Variants in FRMD5 observed in about 807,000 individuals in gnomAD.
FRMD5 encodes the protein FERM domain-containing protein 5.
FRMD5 carries 20 observed loss-of-function variants against 69.0 expected under a neutral mutation model. The ratio of observed to expected loss-of-function variants is 0.29; its 90% CI spans 0.20 to 0.42. The LOEUF is 0.42. FRMD5 is among the 10% of genes least tolerant of loss of function. The probability of loss-of-function intolerance (pLI) is 1.00; values close to 1 mark genes in which losing one functional copy is unlikely to be tolerated. For synonymous variants in FRMD5, 271 were observed against 260.1 expected, an observed-to-expected ratio of 1.04 and a Z score of -0.40; for missense variants, 595 against 708.6, an observed-to-expected ratio of 0.84 and a Z score of 1.82.
At chr15:43,988,075 G>A (rs1011168602) in intron 1 of FRMD5, among the ~76,000 whole-genome samples, 1 of 152,086 alleles carries the variant, frequency 6.6e-6, no homozygotes, top group East Asian at 1.9e-4. Context: ...AGAATCTAAT[G>A]CTGCTGCTGA....
intron 1 of FRMD5, among the ~76,000 whole-genome samples, chr15:44,147,927 T>G (rs1417497561): frequency 6.6e-6 from 1 of 152,192 alleles, no homozygotes; most frequent in African/African-American, 2.4e-5. Flanking sequence ...AAAAAAGACT[T>G]TGTCCTTCAA....
rs1322019746 is a variant in FRMD5, at chr15:44,194,940, G to A, written c.102+13C>T. 1.3e-6 allele frequency: 2 copies of A among 1,512,454 alleles called. No individual in the cohort carries two copies. Among genetic ancestry groups the A allele is most frequent in the Non-Finnish European group, 1.8e-6 (2 of 1,132,594 alleles). 93.7% of individuals were successfully genotyped at this position (1,512,454 alleles called of 1,614,324 possible). On this transcript the variant is annotated intron_variant, in intron 1 of 13. Coordinates refer to ENST00000417257, the MANE Select transcript of FRMD5 (RefSeq NM_032892.5). ...GGGGTCCCGCGGGCGGGGCGGGGCG[G>A]CGCGGCGCTGACCTGGATGGTGCAG...
At position 43,924,194 on chromosome 15, in the gene FRMD5, T is replaced by C; in HGVS notation, c.207+11A>G. 1 of 1,593,110 alleles carries C rather than the reference T, an allele frequency of 6.3e-7. No homozygotes were observed. ...CCCTGTCCTCCTTTTGTGCTTTGAA[T>C]ATTGACTTACCCGCTGCTTATCTGG... On this transcript the variant is annotated intron_variant, in intron 2 of 13. Coordinates refer to ENST00000417257, the MANE Select transcript of FRMD5 (RefSeq NM_032892.5).
chr15:44,196,890 T>C (rs559895730), upstream of FRMD5, among the ~76,000 whole-genome samples: 3 of 152,198 alleles, frequency 2.0e-5, no homozygotes, highest in South Asian at 6.2e-4. Flanking sequence ...GGATTCTCTT[T>C]TCAATGCAAT....
intron 1 of FRMD5, 145 bp downstream of exon 1, chr15:44,194,808 T>C (rs1342011121): frequency 1.3e-6 from 1 of 761,480 alleles, no homozygotes; most frequent in East Asian, 2.8e-5. Flanking sequence ...CGCCCTGCAC[T>C]AGGGCGGTCC....
At chr15:44,035,120 C>T (rs2140296194) in intron 1 of FRMD5, among the ~76,000 whole-genome samples, 1 of 152,272 alleles carries the variant, frequency 6.6e-6, no homozygotes, top group South Asian at 2.1e-4. Context: ...TTCCAGACTT[C>T]AGTCCAAACC....
chr15:43,932,470 A>G (rs4270152), intron 1 of FRMD5, among the ~76,000 whole-genome samples: 19,137 of 152,154 alleles, frequency 0.13, 2,411 homozygotes, highest in African/African-American at 0.33. Context: ...GCAGCCTCTA[A>G]TCAGTGCCAC....
At chr15:44,095,379 A>AT (rs1487335631) in intron 1 of FRMD5, among the ~76,000 whole-genome samples, 1 of 151,856 alleles carries the variant, frequency 6.6e-6, no homozygotes, top group East Asian at 1.9e-4. Flanking sequence ...ATTTTTAAAA[A>AT]TTTTTTGTAG....
intron 1 of FRMD5, among the ~76,000 whole-genome samples, chr15:44,062,902 T>C (rs1566927415): frequency 6.6e-6 from 1 of 151,942 alleles, no homozygotes; most frequent in African/African-American, 2.4e-5. Context: ...GTACCTTTGT[T>C]AAAAAAAATC....
chr15:44,053,270 G>A (rs1892741120), intron 1 of FRMD5, among the ~76,000 whole-genome samples: 1 of 152,208 alleles, frequency 6.6e-6, no homozygotes, highest in Non-Finnish European at 1.5e-5. Context: ...AACCACAGTA[G>A]TCCTTGCCAG....
intron 1 of FRMD5, among the ~76,000 whole-genome samples, chr15:44,078,362 T>C (rs564676981): frequency 2.6e-5 from 4 of 152,270 alleles, no homozygotes; most frequent in African/African-American, 9.6e-5. Context: ...AAGGAGTTTT[T>C]ATATAAAAAT....
intron 1 of FRMD5, among the ~76,000 whole-genome samples, chr15:44,048,171 T>C (rs563584190): frequency 1.3e-5 from 2 of 152,334 alleles, no homozygotes; most frequent in East Asian, 3.9e-4. Context: ...TACCATTTTC[T>C]ATTCCTACCA....
At chr15:43,966,342 C>G (rs1411299116) in intron 1 of FRMD5, among the ~76,000 whole-genome samples, 2 of 151,996 alleles carry the variant, frequency 1.3e-5, no homozygotes, top group East Asian at 3.9e-4. Flanking sequence ...CCGTTGCAGT[C>G]CAGCCTGGGA....
intron 1 of FRMD5, among the ~76,000 whole-genome samples, chr15:44,029,181 AC>A (rs373329165): frequency 6.5e-4 from 99 of 152,362 alleles, no homozygotes; most frequent in African/African-American, 2.3e-3. Context: ...CCATTTTGGC[AC>A]CAAGCCAAAA....
At chr15:43,902,087 G>T in intron 7 of FRMD5, 88 bp downstream of exon 7, 1 of 900,464 alleles carries the variant, frequency 1.1e-6, no homozygotes, top group African/African-American at 1.7e-5. Flanking sequence ...ACGTTGAAGG[G>T]GGCCTCTGAG....
At chr15:44,065,631 T>A (rs1302626906) in intron 1 of FRMD5, among the ~76,000 whole-genome samples, 1 of 152,168 alleles carries the variant, frequency 6.6e-6, no homozygotes, top group Non-Finnish European at 1.5e-5. Flanking sequence ...ATATATTGAT[T>A]TTGGTCATGA....
intron 1 of FRMD5, among the ~76,000 whole-genome samples, chr15:43,963,617 T>C (rs1215133153): frequency 1.3e-5 from 2 of 152,222 alleles, no homozygotes; most frequent in East Asian, 3.8e-4. Flanking sequence ...CGTATGTTTA[T>C]TGCGGCATTA....
At chr15:44,073,500 T>C (rs1282725897) in intron 1 of FRMD5, among the ~76,000 whole-genome samples, 2 of 152,218 alleles carry the variant, frequency 1.3e-5, no homozygotes, top group East Asian at 3.8e-4. Context: ...TTATACTGAC[T>C]ACCTATTATA....
chr15:44,005,471 C>CAAA (rs55839205), intron 1 of FRMD5, among the ~76,000 whole-genome samples: 12 of 69,406 alleles, frequency 1.7e-4, no homozygotes, highest in Middle Eastern at 9.4e-3. Context: ...AACTCCATCT[C>CAAA]AAAAAAAAAA....
Sources: allele counts gnomAD v4.1 joint callset (sites outside exome capture counted in the v4.1 genomes callset), GRCh38; gene constraint gnomAD v4.1.1; transcripts MANE v1.5; gene names NCBI Gene and HGNC (gene_info 2026-07-23, HGNC 2026-07-21).